The following AFF3 variants were observed in gnomAD, a reference collection of about 807,000 sequenced individuals.
AFF3 encodes the protein ALF transcription elongation factor 3.
Under a neutral mutation model 129.7 loss-of-function variants are expected in AFF3, and 32 were observed. That is an observed-to-expected ratio of 0.25 (90% CI 0.19 to 0.33). The LOEUF is 0.33. AFF3 is among the 10% of genes least tolerant of loss of function. AFF3 has a pLI of 1.00. For missense variants in AFF3, 1,373 were observed against 1,592.0 expected (o/e 0.86, Z 2.34); for synonymous variants, 644 against 635.4 (o/e 1.01, Z -0.20).
chr2:99,718,328 C>G (rs1678567395), intron 11 of AFF3, among the ~76,000 whole-genome samples: 1 of 152,208 alleles, frequency 6.6e-6, no homozygotes, highest in Non-Finnish European at 1.5e-5. Context: ...TTTTAAATTT[C>G]TCTCAAAGAT....
intron 7 of AFF3, among the ~76,000 whole-genome samples, chr2:99,987,115 G>C (rs1679943254): frequency 1.3e-5 from 2 of 152,200 alleles, no homozygotes; most frequent in African/African-American, 4.8e-5. Context: ...AAGGCATAAA[G>C]AGACTTTCTT....
At chr2:99,828,818 A>G (rs1469327331) in intron 8 of AFF3, among the ~76,000 whole-genome samples, 1 of 152,134 alleles carries the variant, frequency 6.6e-6, no homozygotes, top group Non-Finnish European at 1.5e-5. Context: ...CATGCTAGGG[A>G]TTTTATGGCA....
intron 13 of AFF3, among the ~76,000 whole-genome samples, chr2:99,614,700 C>T (rs1309920289): frequency 6.6e-6 from 1 of 152,216 alleles, no homozygotes; most frequent in Non-Finnish European, 1.5e-5. Flanking sequence ...TATAGCATCA[C>T]TACCTGACTA....
chr2:99,580,476 G>C (rs1019584306), intron 17 of AFF3, among the ~76,000 whole-genome samples: 1 of 152,162 alleles, frequency 6.6e-6, no homozygotes. Context: ...GACATTTTTA[G>C]TTGTCACCAC....
At chr2:99,591,695 A>C (rs1056817029) in intron 15 of AFF3, among the ~76,000 whole-genome samples, 5 of 152,206 alleles carry the variant, frequency 3.3e-5, no homozygotes, top group African/African-American at 1.2e-4. Context: ...TGTCCAGTCT[A>C]ACTTTTCTAT....
chr2:99,811,254 G>A (rs1686766330), intron 8 of AFF3, among the ~76,000 whole-genome samples: 1 of 152,176 alleles, frequency 6.6e-6, no homozygotes, highest in Non-Finnish European at 1.5e-5. Flanking sequence ...TCAGGAAGGT[G>A]ATAAGTATGT....
At chr2:99,641,298 G>A (rs1028514688) in intron 13 of AFF3, among the ~76,000 whole-genome samples, 1 of 152,210 alleles carries the variant, frequency 6.6e-6, no homozygotes, top group African/African-American at 2.4e-5. Context: ...GAGCTGCACA[G>A]ACCACTCTGT....
At chr2:99,727,657 G>A (rs549183671) in intron 10 of AFF3, among the ~76,000 whole-genome samples, 7 of 151,588 alleles carry the variant, frequency 4.6e-5, no homozygotes, top group African/African-American at 1.7e-4. Flanking sequence ...CACCTCCCGG[G>A]TTCAAGCAAT....
At chr2:99,932,206 T>C (rs890149014) in intron 7 of AFF3, among the ~76,000 whole-genome samples, 2 of 152,062 alleles carry the variant, frequency 1.3e-5, no homozygotes, top group South Asian at 4.1e-4. Context: ...AGATTTTTTT[T>C]GCGATTTTTT....
At chr2:99,595,651 G>A (rs1353866503) in intron 14 of AFF3, among the ~76,000 whole-genome samples, 2 of 147,334 alleles carry the variant, frequency 1.4e-5, no homozygotes, top group Non-Finnish European at 3.1e-5. Context: ...TCAACAGTGA[G>A]GCCTGTATTA....
intron 1 of AFF3, among the ~76,000 whole-genome samples, chr2:100,139,749 T>C (rs1278154716): frequency 6.6e-6 from 1 of 151,804 alleles, no homozygotes; most frequent in Non-Finnish European, 1.5e-5. Flanking sequence ...GAGAATCAAC[T>C]CACTAATAAC....
intron 8 of AFF3, among the ~76,000 whole-genome samples, chr2:99,767,230 G>C (rs1306770743): frequency 1.3e-5 from 2 of 152,190 alleles, no homozygotes; most frequent in Non-Finnish European, 2.9e-5. Context: ...ACCATGAGAG[G>C]AGAGAAGCAA....
intron 7 of AFF3, among the ~76,000 whole-genome samples, chr2:99,928,025 C>CTT (rs532522550): frequency 2.3e-3 from 347 of 152,276 alleles, no homozygotes; most frequent in African/African-American, 7.6e-3. Flanking sequence ...AGCTCTCTCT[C>CTT]TGCCTGCTGC....
In AFF3 at chr2:99,943,167, A is replaced by T. The variant is rs1291082016; in HGVS notation, c.873+63465T>A. On this transcript the variant is annotated intron_variant, in intron 7 of 24. Transcript: ENST00000672756. ...ATTGTCATGGGTCATAGTCCACACC[A>T]GTGTAGAAGAGCAACAGCCCCCAGG... is the stretch of plus-strand genomic sequence containing the variant. Among the ~76,000 whole-genome samples, 4 of 152,130 alleles carry T rather than the reference A, an allele frequency of 2.6e-5. No homozygotes were observed. The East Asian group carries it at 7.7e-4, about 29-fold the overall frequency.
At chr2:99,586,566 A>G (rs1678138388) in intron 16 of AFF3, among the ~76,000 whole-genome samples, 1 of 152,160 alleles carries the variant, frequency 6.6e-6, no homozygotes, top group Non-Finnish European at 1.5e-5. Context: ...ACGACTGATG[A>G]TAAGCTACTT....
At chr2:99,763,639 C>T (rs575280782) in intron 8 of AFF3, among the ~76,000 whole-genome samples, 1 of 152,224 alleles carries the variant, frequency 6.6e-6, no homozygotes, top group South Asian at 2.1e-4. Context: ...GAAAAAAGTG[C>T]CTTTAAAAAA....
intron 11 of AFF3, among the ~76,000 whole-genome samples, chr2:99,717,468 A>G (rs1678499940): frequency 6.6e-6 from 1 of 152,190 alleles, no homozygotes; most frequent in Admixed American, 6.5e-5. Context: ...GTATTTCCCT[A>G]AAATAAACGT....
chr2:99,933,500 C>G (rs1558987734), intron 7 of AFF3, among the ~76,000 whole-genome samples: 1 of 152,008 alleles, frequency 6.6e-6, no homozygotes, highest in South Asian at 2.1e-4. Flanking sequence ...CCCCCCACCC[C>G]CCGACAGGCC....
chr2:100,044,058 G>A (rs1399510806), intron 4 of AFF3, among the ~76,000 whole-genome samples: 4 of 152,154 alleles, frequency 2.6e-5, no homozygotes, highest in African/African-American at 7.2e-5. Context: ...AGCTCACCGC[G>A]GCAGTTTCCT....
Sources: gnomAD v4.1 joint callset for allele counts (sites outside exome capture counted in the v4.1 genomes callset) on GRCh38, gnomAD v4.1.1 for gene constraint, MANE v1.5 for transcripts, NCBI Gene and HGNC (gene_info 2026-07-23, HGNC 2026-07-21) for gene names.